FANCA: variants seen among roughly 807,000 people sequenced by gnomAD.
The protein encoded by FANCA is Fanconi anemia group A protein.
FANCA carries 236 observed loss-of-function variants against 194.3 expected under a neutral mutation model. The ratio of observed to expected loss-of-function variants is 1.21; its 90% CI spans 1.09 to 1.35. The LOEUF is 1.35. FANCA is among the 40% of genes most tolerant of loss of function. The probability of loss-of-function intolerance (pLI) is 0.00; values close to 1 mark genes in which losing one functional copy is unlikely to be tolerated. For synonymous variants in FANCA, 1,014 were observed against 715.8 expected, an observed-to-expected ratio of 1.42 and a Z score of -6.65; for missense variants, 2,628 against 1,813.9, an observed-to-expected ratio of 1.45 and a Z score of -8.15.
chr16:89,752,269 G>T (rs2038622447), intron 30 of FANCA, 47 bp from the exon 31 acceptor site: 1 of 1,495,186 alleles, frequency 6.7e-7, no homozygotes, highest in South Asian at 1.1e-5. Context: ...GCCTAATAGT[G>T]CTGAAGTTCC....
At chr16:89,790,891 G>A (rs1402171312) in intron 14 of FANCA, among the ~76,000 whole-genome samples, 2 of 152,048 alleles carry the variant, frequency 1.3e-5, no homozygotes, top group African/African-American at 4.8e-5. Flanking sequence ...GTACAGTGGT[G>A]CAATCACAGC....
chr16:89,808,222 G>C, intron 6 of FANCA, 72 bp downstream of exon 6: 12 of 1,421,450 alleles, frequency 8.4e-6, no homozygotes, highest in Non-Finnish European at 1.2e-5. Flanking sequence ...GTCTGATTCT[G>C]GGCTTTGAAA....
At position 89,744,970 on chromosome 16, in the gene FANCA, C is replaced by T. The variant is rs368349576; in HGVS notation, c.3615G>A (p.Gln1205=). 1.1e-5 allele frequency: 18 copies of T among 1,611,794 alleles called. No individual in the cohort carries two copies. In the African/African-American group the frequency reaches 2.0e-4, roughly 18 times the overall value. ...RELQKLQEGR[Q]FASDFLSPEA... ...CCACCCACACGTACTCGCTGGCAAA[C>T]TGCCGGCCTTCTTGTAGCTTCTGCA... Residue 1205 remains glutamine, a synonymous_variant, in exon 36 of 43, where the codon CAG becomes CAA. Coordinates refer to ENST00000389301, the MANE Select transcript of FANCA (RefSeq NM_000135.4).
intron 37 of FANCA, among the ~76,000 whole-genome samples, chr16:89,741,949 CTT>C (rs1474653293): frequency 2.6e-5 from 4 of 151,586 alleles, no homozygotes; most frequent in African/African-American, 7.3e-5. Flanking sequence ...ACCCCCATCT[CTT>C]TTAATTTTTA....
At chr16:89,772,740 AC>A (rs1207179284) in intron 22 of FANCA, among the ~76,000 whole-genome samples, 1 of 142,218 alleles carries the variant, frequency 7.0e-6, no homozygotes, top group Non-Finnish European at 1.5e-5. Context: ...AATTGCTTGA[AC>A]CCAGGAGGCG....
chr16:89,754,221 C>G (rs2038694776), intron 30 of FANCA, among the ~76,000 whole-genome samples: 2 of 119,012 alleles, frequency 1.7e-5, no homozygotes. Context: ...GACTCCGTCT[C>G]AGAAAAAAAA....
chr16:89,776,191 A>G (rs113031648), intron 20 of FANCA, among the ~76,000 whole-genome samples: 2 of 122,516 alleles, frequency 1.6e-5, no homozygotes, highest in African/African-American at 6.2e-5. Context: ...TTTTTGAGAC[A>G]GAGTCTCCCA....
rs530603531 is a variant in FANCA at position 89,763,931 on chromosome 16, C to A, written c.2778+959G>T. Among the ~76,000 whole-genome samples, 1,156 of 124,424 alleles carry A rather than the reference C, an allele frequency of 9.3e-3. 2 individuals are homozygous for A. Among genetic ancestry groups the A allele is most frequent in the Non-Finnish European group, 0.011 (643 of 61,210 alleles). 81.6% of individuals were successfully genotyped at this position (124,424 alleles called of 152,430 possible). ...GTAAGACTCCACCAGAAAAAAAAAA[C>A]AAAACAACAACAACAACAAAAAACA... On this transcript the variant is annotated intron_variant, in intron 28 of 42. Transcript: ENST00000389301.
intron 36 of FANCA, chr16:89,744,736 A>C (rs1242338668): frequency 3.4e-6 from 2 of 588,482 alleles, no homozygotes; most frequent in South Asian, 1.8e-5. Flanking sequence ...GGCTCACTGG[A>C]AACTCCACCT....
rs759022680 is a variant in FANCA at position 89,737,784 on chromosome 16, T to C, written c.*817A>G. 1.1e-5 allele frequency: 18 copies of C among 1,613,974 alleles called. No homozygotes were observed. The highest frequency in any genetic ancestry group is 3.3e-5 in the Admixed American group (2 of 60,010). ...AGGTTGGAGCATCAGGGGCCTGGACTCACTGGACTCTCCCCTCTCAGAGGT... is the reference window on the plus strand; with the variant it reads ...AGGTTGGAGCATCAGGGGCCTGGACCCACTGGACTCTCCCCTCTCAGAGGT... On this transcript the variant is annotated 3_prime_UTR_variant, in exon 43 of 43. Transcript: ENST00000389301.
chr16:89,737,782 A>G lies in FANCA; in HGVS notation c.*819T>C, dbSNP rs186050933. On this transcript the variant is annotated 3_prime_UTR_variant, in exon 43 of 43. Transcript: ENST00000389301. Reference sequence around the variant, plus strand: ...GGAGGTTGGAGCATCAGGGGCCTGGACTCACTGGACTCTCCCCTCTCAGAG... The same window carrying G: ...GGAGGTTGGAGCATCAGGGGCCTGGGCTCACTGGACTCTCCCCTCTCAGAG... 319 of 1,613,950 alleles carry G rather than the reference A, an allele frequency of 2.0e-4. No homozygotes were observed. The highest frequency in any genetic ancestry group is 4.0e-4 in the Admixed American group (24 of 60,008).
chr16:89,780,075 G>A, intron 17 of FANCA, 118 bp from the exon 18 acceptor site: 1 of 869,662 alleles, frequency 1.1e-6, no homozygotes, highest in Middle Eastern at 2.6e-4. Context: ...CACATTAAAG[G>A]TAAAGGCCCA....
At chr16:89,793,253 G>A (rs1468757489) in intron 11 of FANCA, among the ~76,000 whole-genome samples, 1 of 152,046 alleles carries the variant, frequency 6.6e-6, no homozygotes, top group Non-Finnish European at 1.5e-5. Context: ...CTTGGTGACG[G>A]GCGTCTTCCC....
In FANCA at chr16:89,782,863, G is replaced by T. The variant is rs775853544; in HGVS notation, c.1622C>A (p.Thr541Asn). ...YEDLSSAGDI[T>N]EPHSQALQDV... ...GCAGGGCTCAAGCAACATTACCTCA[G>T]TAATGTCCCCAGCTGATGACAAATC... The change falls in exon 17 of 43, where the codon ACT (threonine) becomes AAT (asparagine). Residue 541 changes from threonine (T) to asparagine (N), a missense_variant. Coordinates refer to ENST00000389301, the MANE Select transcript of FANCA (RefSeq NM_000135.4). 5.0e-6 allele frequency: 8 copies of T among 1,613,724 alleles called. No individual in the cohort carries two copies. The highest frequency in any genetic ancestry group is 1.3e-5 in the African/African-American group (1 of 74,916).
chr16:89,750,754 CTG>C (rs1175695571), intron 31 of FANCA, among the ~76,000 whole-genome samples: 1 of 152,076 alleles, frequency 6.6e-6, no homozygotes, highest in African/African-American at 2.4e-5. Flanking sequence ...GAGCAAGACT[CTG>C]TCTCAAAAAC....
At chr16:89,792,415 G>T (rs376391079) in intron 12 of FANCA, 56 bp downstream of exon 12, 5 of 1,552,860 alleles carry the variant, frequency 3.2e-6, no homozygotes, top group East Asian at 2.2e-5. Context: ...GTACTAGGCA[G>T]ATCTTAATCC....
rs17232435 is a variant in FANCA, at chr16:89,798,572, C to T, written c.893+594G>A. ...CTGCCCACACTAGAGGGAAGCAAAC[C>T]CCAGAGCCCCATTTCCACCAAACCC... is the stretch of plus-strand genomic sequence containing the variant. On this transcript the variant is annotated intron_variant, in intron 10 of 42. Transcript: ENST00000389301. 8.3e-3 allele frequency: 9,502 copies of T among 1,142,544 alleles called. 71 individuals carry two copies. Among genetic ancestry groups the T allele is most frequent in the South Asian group, 0.032 (1,021 of 31,586 alleles). 70.8% of individuals were successfully genotyped at this position (1,142,544 alleles called of 1,614,324 possible).
intron 33 of FANCA, among the ~76,000 whole-genome samples, chr16:89,747,641 G>C (rs1473327201): frequency 6.6e-6 from 1 of 152,176 alleles, no homozygotes; most frequent in South Asian, 2.1e-4. Context: ...GGAGGTTGCA[G>C]GGTGAGCCAA....
intron 20 of FANCA, among the ~76,000 whole-genome samples, chr16:89,776,124 T>G (rs1435097441): frequency 3.3e-5 from 5 of 150,822 alleles, no homozygotes; most frequent in Non-Finnish European, 5.9e-5. Context: ...CAATTTTTGG[T>G]AATTTCCAAA....
Sources: allele counts gnomAD v4.1 joint callset (sites outside exome capture counted in the v4.1 genomes callset), GRCh38; gene constraint gnomAD v4.1.1; transcripts MANE v1.5; gene names NCBI Gene and HGNC (gene_info 2026-07-23, HGNC 2026-07-21).